ANKRD62: variants seen among roughly 807,000 people sequenced by gnomAD.
ANKRD62 encodes the protein ankyrin repeat domain-containing protein 62.
Under a neutral mutation model 98.8 loss-of-function variants are expected in ANKRD62, and 61 were observed. The ratio of observed to expected loss-of-function variants is 0.62; its 90% CI spans 0.50 to 0.76. The LOEUF (loss-of-function observed/expected upper bound fraction) is 0.76. Ranked by LOEUF, ANKRD62 falls within the 30% of genes least tolerant of loss-of-function variation. The probability of loss-of-function intolerance (pLI) is 0.00; values close to 1 mark genes in which losing one functional copy is unlikely to be tolerated. For synonymous variants in ANKRD62, 341 were observed against 367.9 expected (o/e 0.93, Z 0.84); for missense variants, 933 against 1,082.9 (o/e 0.86, Z 1.94).
At chr18:12,112,996 G>C (rs574223067) in intron 8 of ANKRD62, among the ~76,000 whole-genome samples, 2 of 152,262 alleles carry the variant, frequency 1.3e-5, no homozygotes, top group South Asian at 4.1e-4. Flanking sequence ...CCCGGGTTAA[G>C]TGATTCTCAT....
Position 12,124,300 on chromosome 18 carries a change from G to A in ANKRD62, c.1618G>A (p.Val540Ile), listed in dbSNP as rs1255830688. Residue 540 changes from valine to isoleucine, a missense_variant, in exon 12 of 14, where the codon GTA (valine) becomes ATA (isoleucine). By Grantham distance (29) the Val-to-Ile change is conservative (BLOSUM62 3). Transcript: ENST00000587848. ...LKSLEVELKT[V>I]RSNSNQNFHT... ...ATCATTGGAAGTGGAATTGAAGACT[G>A]TAAGAAGTAACTCAAATCAGGTAAA... is the stretch of plus-strand genomic sequence containing the variant. 8.1e-6 allele frequency: 10 copies of A among 1,231,316 alleles called. No homozygotes were observed. The highest frequency in any genetic ancestry group is 1.1e-6 in the Non-Finnish European group (1 of 914,096). The allele number at this position is 1,231,316 out of a possible 1,614,324, so 76.3% of individuals were successfully genotyped here.
At chr18:12,139,789 T>C in the ANKRD62 span, among the ~76,000 whole-genome samples, 1 of 152,174 alleles carries the variant, frequency 6.6e-6, no homozygotes, top group Non-Finnish European at 1.5e-5. Context: ...ATTTTTTCCT[T>C]CATTTCAACT....
the ANKRD62 span, among the ~76,000 whole-genome samples, chr18:12,154,805 C>G: frequency 6.6e-6 from 1 of 152,178 alleles, no homozygotes; most frequent in African/African-American, 2.4e-5. Context: ...AGAATAAGGT[C>G]ATGTCTTTTG....
Position 12,103,219 on chromosome 18 carries a change from C to A in ANKRD62, c.882C>A (p.Ser294Arg). Residue 294 changes from serine (S) to arginine (R), a missense_variant, in exon 7 of 14, where the codon AGC becomes AGA. Ser to Arg is a moderately radical substitution (Grantham distance 110). Transcript: ENST00000587848. Reference sequence around the variant, plus strand: ...AAAGGCTTGAAGGATGTGAAAGTAGCCAGCCACAGGTATGTAAAAATTTAA... The same window carrying A: ...AAAGGCTTGAAGGATGTGAAAGTAGACAGCCACAGGTATGTAAAAATTTAA... ...EQERLEGCES[S>R]QPQVEEKMKK... The A allele has an allele frequency of 7.4e-7, 1 of 1,356,612 alleles. No homozygotes were observed. The highest frequency in any genetic ancestry group is 9.6e-7 in the Non-Finnish European group (1 of 1,044,648). The allele number at this position is 1,356,612 out of a possible 1,614,324, so 84.0% of individuals were successfully genotyped here.
chr18:12,166,135 C>T, the ANKRD62 span, among the ~76,000 whole-genome samples: 4 of 152,074 alleles, frequency 2.6e-5, no homozygotes, highest in Non-Finnish European at 5.9e-5. Flanking sequence ...ATTAAATCTG[C>T]TTGGTGTTCT....
intron 5 of ANKRD62, among the ~76,000 whole-genome samples, 188 bp from the exon 6 acceptor site, chr18:12,099,426 GT>G (rs34726569): frequency 0.32 from 48,646 of 151,954 alleles, 8,380 homozygotes; most frequent in Middle Eastern, 0.41. Context: ...GAGTTATACT[GT>G]CCTCACTTCA....
At chr18:12,163,624 A>ATACATGG in the ANKRD62 span, among the ~76,000 whole-genome samples, 3 of 152,124 alleles carry the variant, frequency 2.0e-5, no homozygotes, top group African/African-American at 7.2e-5. Flanking sequence ...TTCTTCATTT[A>ATACATGG]GTATGATACT....
the ANKRD62 span, among the ~76,000 whole-genome samples, chr18:12,174,656 T>C: frequency 6.6e-6 from 1 of 152,252 alleles, no homozygotes; most frequent in African/African-American, 2.4e-5. Flanking sequence ...TTGAGGTTGC[T>C]GACCTTTGAA....
In ANKRD62 at chr18:12,108,617, G is replaced by A. The variant is rs370870243; in HGVS notation, c.1064+1150G>A. Reference sequence around the variant, plus strand: ...CTTTTCACATTTCAAAACCAATACTGCCTTCCCAACAGTGCCCCCAATGTC... The same window carrying A: ...CTTTTCACATTTCAAAACCAATACTACCTTCCCAACAGTGCCCCCAATGTC... On this transcript the variant is annotated intron_variant, in intron 8 of 13. Coordinates refer to ENST00000587848, the MANE Select transcript of ANKRD62 (RefSeq NM_001277333.2). Among the ~76,000 whole-genome samples, 20 of 152,218 alleles carry A rather than the reference G, an allele frequency of 1.3e-4. No individual in the cohort carries two copies. The East Asian group carries it at 2.7e-3, about 21-fold the overall frequency.
At chr18:12,154,134 T>G in the ANKRD62 span, among the ~76,000 whole-genome samples, 4 of 152,164 alleles carry the variant, frequency 2.6e-5, no homozygotes, top group Non-Finnish European at 1.5e-5. Context: ...AGCTTCTGCA[T>G]GGCAAGAGAA....
chr18:12,165,796 T>C, the ANKRD62 span, among the ~76,000 whole-genome samples: 1 of 152,134 alleles, frequency 6.6e-6, no homozygotes, highest in Non-Finnish European at 1.5e-5. Flanking sequence ...TCCTTTCAGA[T>C]TGAAGAACTC....
At chr18:12,140,176 G>C in the ANKRD62 span, among the ~76,000 whole-genome samples, 23 of 152,220 alleles carry the variant, frequency 1.5e-4, 1 homozygote, top group South Asian at 4.6e-3. Flanking sequence ...CGTAGTTCTC[G>C]TGCCTTGGTT....
chr18:12,122,493 GA>G lies in ANKRD62; in HGVS notation c.1439del (p.Lys480SerfsTer5), dbSNP rs774510795. On this transcript the variant is annotated frameshift_variant, in exon 11 of 14. Transcript: ENST00000587848. LOFTEE classifies it high-confidence loss of function. The part of the protein sequence containing the change: ...SQSEHQNLQG[K>X]KKLCNLRFIL... ...AGTCAGAGCATCAGAATCTTCAAGG[GA>G]AAAAAAAGCTCTGTAATTTGAGGTA... 25 of 1,519,450 alleles carry G rather than the reference GA, an allele frequency of 1.6e-5. No individual in the cohort carries two copies. The African/African-American group carries it at 2.1e-4, about 13-fold the overall frequency. The allele number at this position is 1,519,450 out of a possible 1,614,324, so 94.1% of individuals were successfully genotyped here.
the ANKRD62 span, among the ~76,000 whole-genome samples, chr18:12,178,235 G>A: frequency 1.3e-5 from 2 of 150,892 alleles, no homozygotes; most frequent in African/African-American, 4.9e-5. Context: ...AGAGGGACAG[G>A]TGTTCCAAGA....
At position 12,099,687 on chromosome 18, in the gene ANKRD62, G is replaced by T; in HGVS notation, c.820+5G>T. ...GTCTTCAAAATAGCAATTCAGGTAT[G>T]ACTTCTGATAGTGAATTCCTCTCGA... On this transcript the variant is annotated splice_donor_5th_base_variant and intron_variant, in intron 6 of 13. Coordinates refer to ENST00000587848, the MANE Select transcript of ANKRD62 (RefSeq NM_001277333.2). The T allele has an allele frequency of 6.9e-7, 1 of 1,448,236 alleles. No individual in the cohort carries two copies. Among genetic ancestry groups the T allele is most frequent in the South Asian group, 1.4e-5 (1 of 69,638 alleles). 89.7% of individuals were successfully genotyped at this position (1,448,236 alleles called of 1,614,324 possible).
chr18:12,101,268 G>A (rs1909294422), intron 6 of ANKRD62, among the ~76,000 whole-genome samples: 1 of 152,192 alleles, frequency 6.6e-6, no homozygotes, highest in Non-Finnish European at 1.5e-5. Flanking sequence ...TGGGAAAATA[G>A]CAATGTATTA....
chr18:12,137,833 T>A, the ANKRD62 span, among the ~76,000 whole-genome samples: 2 of 152,168 alleles, frequency 1.3e-5, no homozygotes, highest in East Asian at 1.9e-4. Flanking sequence ...TTATTTGCAG[T>A]GAGGTGTTTA....
the ANKRD62 span, among the ~76,000 whole-genome samples, chr18:12,146,429 G>A: frequency 2.6e-5 from 4 of 152,130 alleles, no homozygotes; most frequent in African/African-American, 7.2e-5. Context: ...ATGAAAATGG[G>A]GCCAGACTTT....
intron 6 of ANKRD62, chr18:12,102,114 G>T: frequency 7.5e-7 from 1 of 1,334,286 alleles, no homozygotes; most frequent in Non-Finnish European, 1.1e-6. Flanking sequence ...CTTTCTGCAA[G>T]GCATCCCCAT....
Sources: gnomAD v4.1 joint callset for allele counts (sites outside exome capture counted in the v4.1 genomes callset) on GRCh38, gnomAD v4.1.1 for gene constraint, MANE v1.5 for transcripts, NCBI Gene and HGNC (gene_info 2026-07-23, HGNC 2026-07-21) for gene names.